Variants in LAMA2 observed in about 807,000 individuals in gnomAD.
LAMA2 encodes laminin subunit alpha 2, also known as laminin subunit alpha-2.
In LAMA2, 269 loss-of-function variants were observed where a neutral mutation model predicts 364.8. The observed-to-expected ratio is 0.74, with a 90% CI of 0.67 to 0.82. The LOEUF is 0.82. Ranked by LOEUF, LAMA2 falls within the 40% of genes least tolerant of loss-of-function variation. LAMA2 has a pLI of 0.00. For missense variants in LAMA2, 3,807 were observed against 3,873.2 expected (o/e 0.98, Z 0.45); for synonymous variants, 1,379 against 1,370.6 (o/e 1.01, Z -0.14).
At chr6:128,984,845 C>T (rs1260671361) in intron 1 of LAMA2, among the ~76,000 whole-genome samples, 1 of 152,056 alleles carries the variant, frequency 6.6e-6, no homozygotes, top group Non-Finnish European at 1.5e-5. Context: ...ACATAAATTC[C>T]ATGTATCCAC....
intron 8 of LAMA2, among the ~76,000 whole-genome samples, chr6:129,160,442 G>A (rs1190300667): frequency 6.6e-6 from 1 of 151,920 alleles, no homozygotes; most frequent in Non-Finnish European, 1.5e-5. Context: ...GATATCCCCT[G>A]TGTAATTTTT....
At chr6:129,410,149 T>C (rs1366647693) in intron 40 of LAMA2, among the ~76,000 whole-genome samples, 1 of 152,184 alleles carries the variant, frequency 6.6e-6, no homozygotes, top group Non-Finnish European at 1.5e-5. Flanking sequence ...ATGAATTCCA[T>C]AGTTCAGATT....
intron 45 of LAMA2, among the ~76,000 whole-genome samples, chr6:129,452,313 AT>A (rs1171930211): frequency 1.3e-5 from 2 of 152,290 alleles, no homozygotes; most frequent in Non-Finnish European, 1.5e-5. Context: ...ATTTATAGTA[AT>A]TTTTAAGGTA....
intron 1 of LAMA2, among the ~76,000 whole-genome samples, chr6:128,899,884 T>A (rs960793800): frequency 6.6e-6 from 1 of 152,144 alleles, no homozygotes; most frequent in Non-Finnish European, 1.5e-5. Flanking sequence ...GGATGGAAGG[T>A]CTTTTTGGAT....
intron 12 of LAMA2, among the ~76,000 whole-genome samples, chr6:129,231,322 A>G (rs1424607548): frequency 1.2e-4 from 19 of 152,108 alleles, no homozygotes; most frequent in Non-Finnish European, 2.2e-4. Context: ...TAGTTGCCTT[A>G]TTTCTTAGAC....
At chr6:129,488,389 C>A (rs1028508527) in intron 56 of LAMA2, among the ~76,000 whole-genome samples, 4 of 152,160 alleles carry the variant, frequency 2.6e-5, no homozygotes, top group Admixed American at 1.3e-4. Context: ...AATTAGTTTA[C>A]CGAAATCACT....
At chr6:128,953,113 A>C (rs1780934029) in intron 1 of LAMA2, among the ~76,000 whole-genome samples, 1 of 152,142 alleles carries the variant, frequency 6.6e-6, no homozygotes, top group South Asian at 2.1e-4. Context: ...AACACAGGGC[A>C]GCTTAGGTCA....
At chr6:129,015,832 T>C (rs1474464522) in intron 1 of LAMA2, among the ~76,000 whole-genome samples, 1 of 152,102 alleles carries the variant, frequency 6.6e-6, no homozygotes, top group Non-Finnish European at 1.5e-5. Context: ...TTTTGAACTC[T>C]TCTGGCTTTT....
intron 1 of LAMA2, among the ~76,000 whole-genome samples, chr6:128,970,858 A>T (rs1782146573): frequency 6.6e-6 from 1 of 152,236 alleles, no homozygotes; most frequent in Non-Finnish European, 1.5e-5. Context: ...CTATGAACAC[A>T]GATAGCTACA....
intron 12 of LAMA2, among the ~76,000 whole-genome samples, chr6:129,230,239 A>G (rs1031737804): frequency 7.9e-5 from 12 of 152,186 alleles, no homozygotes; most frequent in Admixed American, 2.0e-4. Context: ...GAATGAATCA[A>G]GTGATCAACT....
At chr6:129,190,066 T>G (rs781345836) in intron 10 of LAMA2, 139 bp from the exon 11 acceptor site, 4 of 854,850 alleles carry the variant, frequency 4.7e-6, no homozygotes, top group Non-Finnish European at 7.5e-6. Flanking sequence ...AGCAGATTTT[T>G]AAAAATATCA....
At chr6:129,121,267 TA>T (rs1158053881) in intron 4 of LAMA2, among the ~76,000 whole-genome samples, 1 of 152,218 alleles carries the variant, frequency 6.6e-6, no homozygotes, top group Non-Finnish European at 1.5e-5. Flanking sequence ...CTAGACTTTC[TA>T]AATTGGGAGA....
chr6:128,895,348 CA>C (rs1001607671), intron 1 of LAMA2, among the ~76,000 whole-genome samples: 3 of 151,580 alleles, frequency 2.0e-5, no homozygotes, highest in Non-Finnish European at 4.4e-5. Context: ...AAAGTGAACT[CA>C]TGGCGGGGCG....
intron 3 of LAMA2, among the ~76,000 whole-genome samples, chr6:129,091,498 T>C (rs1399809715): frequency 6.6e-6 from 1 of 152,196 alleles, no homozygotes; most frequent in Non-Finnish European, 1.5e-5. Context: ...GGAGGTGAAA[T>C]GGCCTGTTTG....
chr6:129,258,361 A>T (rs78419382), intron 14 of LAMA2, among the ~76,000 whole-genome samples: 2 of 152,108 alleles, frequency 1.3e-5, no homozygotes, highest in Non-Finnish European at 2.9e-5. Flanking sequence ...TCATCAACTG[A>T]TGAATGAATA....
intron 1 of LAMA2, chr6:128,929,491 T>C (rs1198461267): frequency 4.7e-6 from 4 of 842,554 alleles, no homozygotes; most frequent in Admixed American, 1.7e-5. Flanking sequence ...AGACTCTTTA[T>C]GGTATGCCGA....
In LAMA2 at chr6:129,155,644, G is replaced by T. The variant is rs76566521; in HGVS notation, c.1206+961G>T. Among the ~76,000 whole-genome samples the T allele has an allele frequency of 4.8e-3, 736 of 152,114 alleles. 12 individuals are homozygous for T. The highest frequency in any genetic ancestry group is 0.017 in the African/African-American group (707 of 41,484). Reference sequence around the variant, plus strand: ...ACCAGATTTATATGGTTAACCTGAAGTTCTAGCACCATTTGTTGAAAAATC... The same window carrying T: ...ACCAGATTTATATGGTTAACCTGAATTTCTAGCACCATTTGTTGAAAAATC... On this transcript the variant is annotated intron_variant, in intron 8 of 64. Coordinates refer to ENST00000421865, the MANE Select transcript of LAMA2 (RefSeq NM_000426.4).
chr6:128,909,257 A>T (rs1241687942), intron 1 of LAMA2, among the ~76,000 whole-genome samples: 4 of 151,844 alleles, frequency 2.6e-5, no homozygotes, highest in African/African-American at 9.7e-5. Context: ...CCCATTATTA[A>T]TGTGTGGGAG....
chr6:129,460,370 A>T (rs1783188842), intron 49 of LAMA2, 46 bp downstream of exon 49: 1 of 1,589,200 alleles, frequency 6.3e-7, no homozygotes, highest in Non-Finnish European at 8.6e-7. Flanking sequence ...TGTGCATAAT[A>T]AAAGCTTCGA....
Sources: allele counts gnomAD v4.1 joint callset (sites outside exome capture counted in the v4.1 genomes callset), GRCh38; gene constraint gnomAD v4.1.1; transcripts MANE v1.5; gene names NCBI Gene and HGNC (gene_info 2026-07-23, HGNC 2026-07-21).